CNOT2: variants seen among roughly 807,000 people sequenced by gnomAD.
CNOT2 encodes the protein CC chemokine receptor 4-negative regulator of transcription 2.
Under a neutral mutation model 72.1 loss-of-function variants are expected in CNOT2, and 7 were observed. The ratio of observed to expected loss-of-function variants is 0.10; its 90% CI spans 0.06 to 0.18. CNOT2 has a LOEUF of 0.18. Ranked by LOEUF, CNOT2 falls within the 10% of genes least tolerant of loss-of-function variation. CNOT2 has a pLI of 1.00. For synonymous variants in CNOT2, 196 were observed against 225.6 expected (o/e 0.87, Z 1.17); for missense variants, 345 against 660.3 (o/e 0.52, Z 5.23).
At chr12:70,326,132 C>T (rs1403379447) in intron 4 of CNOT2, among the ~76,000 whole-genome samples, 2 of 151,602 alleles carry the variant, frequency 1.3e-5, no homozygotes, top group African/African-American at 4.8e-5. Flanking sequence ...AGAATGTGTT[C>T]GTATAGTCCT....
chr12:70,322,946 G>C (rs1878521911), intron 4 of CNOT2: 2 of 151,632 alleles, frequency 1.3e-5, no homozygotes, highest in South Asian at 4.2e-4. Context: ...GGGGAAGATA[G>C]GACATATTTA....
At chr12:70,260,015 A>G (rs1019711193) in intron 1 of CNOT2, among the ~76,000 whole-genome samples, 3 of 152,144 alleles carry the variant, frequency 2.0e-5, no homozygotes, top group Admixed American at 1.3e-4. Context: ...ATTCTGTTTC[A>G]TTGATTGGTA....
rs537117481 is a variant in CNOT2, at chr12:70,278,581, A to G, written c.48+307A>G. 3 of 287,458 alleles carry G rather than the reference A, an allele frequency of 1.0e-5. No individual in the cohort carries two copies. In the East Asian group the frequency reaches 2.2e-4, roughly 21 times the overall value. The allele number at this position is 287,458 out of a possible 1,614,324, so 17.8% of individuals were successfully genotyped here. Reference sequence around the variant, plus strand: ...CTGAATTCAAAATGGTAAAAACAAAAGTGTTGATTGCTTTTACGTATATTA... The same window carrying G: ...CTGAATTCAAAATGGTAAAAACAAAGGTGTTGATTGCTTTTACGTATATTA... On this transcript the variant is annotated intron_variant, in intron 2 of 15. Coordinates refer to ENST00000229195, the MANE Select transcript of CNOT2 (RefSeq NM_014515.7).
chr12:70,304,397 T>G (rs1272206152), intron 2 of CNOT2, among the ~76,000 whole-genome samples: 1 of 152,204 alleles, frequency 6.6e-6, no homozygotes, highest in Non-Finnish European at 1.5e-5. Flanking sequence ...ATGTCCTTTC[T>G]GTTTGTTAGT....
Position 70,262,592 on chromosome 12 carries a change from T to C in CNOT2, c.-95-15540T>C, listed in dbSNP as rs560836327. Among the ~76,000 whole-genome samples, 12 of 152,314 alleles carry C rather than the reference T, an allele frequency of 7.9e-5. No homozygotes were observed. In the East Asian group the frequency reaches 2.3e-3, roughly 29 times the overall value. The stretch of plus-strand genomic sequence containing the variant: ...GCCCGGCCTAATTACATAATTATTT[T>C]TATCAGTCTGTCAAGTTTGCTAGCA... On this transcript the variant is annotated intron_variant, in intron 1 of 15. Coordinates refer to ENST00000229195, the MANE Select transcript of CNOT2 (RefSeq NM_014515.7).
At chr12:70,246,599 A>G (rs1464488331) in intron 1 of CNOT2, among the ~76,000 whole-genome samples, 2 of 152,206 alleles carry the variant, frequency 1.3e-5, no homozygotes, top group Non-Finnish European at 2.9e-5. Flanking sequence ...TACCTGTGAT[A>G]CTTAAAGGGA....
chr12:70,336,353 T>A (rs990746569), intron 8 of CNOT2: 32 of 152,084 alleles, frequency 2.1e-4, no homozygotes, highest in African/African-American at 7.7e-4. Flanking sequence ...ACATATGCAA[T>A]AACAATATAA....
intron 1 of CNOT2, among the ~76,000 whole-genome samples, chr12:70,250,664 T>A (rs1420642393): frequency 1.3e-5 from 2 of 152,156 alleles, no homozygotes; most frequent in African/African-American, 4.8e-5. Context: ...AGAAGACTTC[T>A]GTGGAGGTAT....
At chr12:70,249,791 TATAATG>T (rs1958049890) in intron 1 of CNOT2, among the ~76,000 whole-genome samples, 1 of 152,254 alleles carries the variant, frequency 6.6e-6, no homozygotes, top group South Asian at 2.1e-4. Context: ...AATACTGTGT[TATAATG>T]AGAATAGGTA....
chr12:70,311,095 G>A, intron 3 of CNOT2, 78 bp downstream of exon 3: 2 of 959,736 alleles, frequency 2.1e-6, no homozygotes, highest in South Asian at 1.4e-5. Flanking sequence ...CATATCAAGT[G>A]CAGAATACTG....
intron 1 of CNOT2, among the ~76,000 whole-genome samples, chr12:70,261,338 G>C (rs188602218): frequency 0.11 from 9,687 of 91,900 alleles, 588 homozygotes; most frequent in Middle Eastern, 0.19. Context: ...TTTTTGAGAC[G>C]GAGTCTTGTT....
At chr12:70,325,571 A>G (rs1453262134) in intron 4 of CNOT2, among the ~76,000 whole-genome samples, 1 of 151,850 alleles carries the variant, frequency 6.6e-6, no homozygotes, top group Non-Finnish European at 1.5e-5. Context: ...TTTATCTGTA[A>G]CCTACTTGGA....
At chr12:70,332,686 C>G in intron 6 of CNOT2, 81 bp from the exon 7 acceptor site, 1 of 1,439,000 alleles carries the variant, frequency 6.9e-7, no homozygotes, top group Non-Finnish European at 9.1e-7. Context: ...ATATGGAGAC[C>G]AAAAATACAC....
At chr12:70,300,334 A>G (rs1873695287) in intron 2 of CNOT2, among the ~76,000 whole-genome samples, 1 of 152,186 alleles carries the variant, frequency 6.6e-6, no homozygotes, top group African/African-American at 2.4e-5. Flanking sequence ...GTTTTCTTCT[A>G]GAGTTTTTAT....
intron 11 of CNOT2, among the ~76,000 whole-genome samples, chr12:70,341,678 T>C (rs554613177): frequency 2.6e-5 from 4 of 152,210 alleles, no homozygotes; most frequent in Admixed American, 6.5e-5. Flanking sequence ...TCAGTAAATA[T>C]TTGATGAATT....
chr12:70,338,765 T>C lies in CNOT2; in HGVS notation c.1121T>C (p.Val374Ala), dbSNP rs1251135100. 6.2e-7 allele frequency: 1 copy of C among 1,613,608 alleles called. No homozygotes were observed. The highest frequency in any genetic ancestry group is 1.7e-5 in the Admixed American group (1 of 59,962). The change falls in exon 11 of 16, where the codon GTA becomes GCA. Residue 374 changes from valine (V) to alanine (A), a missense_variant. Val to Ala is a moderately conservative substitution (Grantham distance 64). Transcript: ENST00000229195. ...IRAAETDPGMVHLALGSDLTT... is the reference protein window; with the variant it reads ...IRAAETDPGMAHLALGSDLTT... Reference sequence around the variant, plus strand: ...GCAGCAGAGACAGACCCAGGAATGGTACATCTTGCATTAGGAAGTGACTTA... The same window carrying C: ...GCAGCAGAGACAGACCCAGGAATGGCACATCTTGCATTAGGAAGTGACTTA...
At position 70,354,134 on chromosome 12, in the gene CNOT2, T is replaced by A; in HGVS notation, c.*219T>A. 1 of 872,322 alleles carries A rather than the reference T, an allele frequency of 1.1e-6. No homozygotes were observed. Among genetic ancestry groups the A allele is most frequent in the Non-Finnish European group, 1.6e-6 (1 of 640,880 alleles). 54.0% of individuals were successfully genotyped at this position (872,322 alleles called of 1,614,324 possible). A position where few individuals can be genotyped will look rare whatever the true frequency, so the allele number is the denominator to read the frequency against. On this transcript the variant is annotated 3_prime_UTR_variant, in exon 16 of 16. Coordinates refer to ENST00000229195, the MANE Select transcript of CNOT2 (RefSeq NM_014515.7). Reference sequence around the variant, plus strand: ...AAATTTGTAATTTGTTTTTCTCTAGTTTGAGCAGGGTCTGAATTTTTTCAT... The same window carrying A: ...AAATTTGTAATTTGTTTTTCTCTAGATTGAGCAGGGTCTGAATTTTTTCAT...
chr12:70,330,475 A>G lies in CNOT2; in HGVS notation c.569+6A>G. ...CAGCCTTTTACTGTGAACAGGTAAG[A>G]TGTTTATTGATACTGTGTATAATTG... On this transcript the variant is annotated splice_donor_region_variant and intron_variant, in intron 6 of 15. Transcript: ENST00000229195. 1.2e-5 allele frequency: 19 copies of G among 1,597,098 alleles called. No homozygotes were observed. Among genetic ancestry groups the G allele is most frequent in the Non-Finnish European group, 1.6e-5 (19 of 1,166,928 alleles).
intron 3 of CNOT2, among the ~76,000 whole-genome samples, chr12:70,318,316 T>C (rs925170858): frequency 6.6e-6 from 1 of 152,002 alleles, no homozygotes; most frequent in African/African-American, 2.4e-5. Flanking sequence ...CTTTATCTCC[T>C]TTCATAGTTA....
Sources: gnomAD v4.1 joint callset for allele counts (sites outside exome capture counted in the v4.1 genomes callset) on GRCh38, gnomAD v4.1.1 for gene constraint, MANE v1.5 for transcripts, NCBI Gene and HGNC (gene_info 2026-07-23, HGNC 2026-07-21) for gene names.